The following SHISA6 variants were observed in gnomAD, a reference collection of about 807,000 sequenced individuals.
The protein encoded by SHISA6 is shisa family member 6.
Under a neutral mutation model 47.9 loss-of-function variants are expected in SHISA6, and 22 were observed. The ratio of observed to expected loss-of-function variants is 0.46; its 90% CI spans 0.33 to 0.66. SHISA6 has a LOEUF of 0.66. Among genes scored for constraint, SHISA6 ranks in the 30% least tolerant of loss-of-function variants. The pLI is 0.02. For missense variants in SHISA6, 680 were observed against 764.6 expected, an observed-to-expected ratio of 0.89 and a Z score of 1.30; for synonymous variants, 388 against 337.8, an observed-to-expected ratio of 1.15 and a Z score of -1.63.
In SHISA6 at chr17:11,322,829, A is replaced by G. The variant is rs1016313680; in HGVS notation, c.800-56585A>G. ...TCCTACAAAAGAAATGTGGAACTAC[A>G]TCCATTCTTTAAAGGCTACATTGGG... On this transcript the variant is annotated intron_variant, in intron 2 of 5. Transcript: ENST00000441885. Among the ~76,000 whole-genome samples, 3 of 152,200 alleles carry G rather than the reference A, an allele frequency of 2.0e-5. No homozygotes were observed. The East Asian group carries it at 5.8e-4, about 29-fold the overall frequency.
At chr17:11,532,419 CCCTT>C (rs2071742662) in intron 3 of SHISA6, among the ~76,000 whole-genome samples, 3 of 152,206 alleles carry the variant, frequency 2.0e-5, no homozygotes, top group Admixed American at 1.3e-4. Flanking sequence ...TTGTTTCTTT[CCCTT>C]CCTTATCTCT....
intron 2 of SHISA6, among the ~76,000 whole-genome samples, chr17:11,277,306 A>G (rs1481558259): frequency 6.7e-6 from 1 of 149,424 alleles, no homozygotes; most frequent in Non-Finnish European, 1.5e-5. Flanking sequence ...ACACACACAC[A>G]CACACACACA....
At chr17:11,299,790 G>T (rs1909860529) in intron 2 of SHISA6, among the ~76,000 whole-genome samples, 1 of 152,106 alleles carries the variant, frequency 6.6e-6, no homozygotes, top group South Asian at 2.1e-4. Flanking sequence ...AATCCAGGGT[G>T]GTCTCCTCAT....
intron 2 of SHISA6, among the ~76,000 whole-genome samples, chr17:11,368,380 C>T (rs1473321778): frequency 6.6e-6 from 1 of 152,064 alleles, no homozygotes; most frequent in African/African-American, 2.4e-5. Flanking sequence ...CAGTGAGTGC[C>T]CTAAACCATG....
At chr17:11,323,983 T>G (rs11657311) in intron 2 of SHISA6, among the ~76,000 whole-genome samples, 41,230 of 152,080 alleles carry the variant, frequency 0.27, 6,489 homozygotes, top group Non-Finnish European at 0.35. Context: ...AAATACAGAA[T>G]GAGGGCTATA....
intron 3 of SHISA6, among the ~76,000 whole-genome samples, chr17:11,541,703 T>C (rs2071835437): frequency 1.3e-5 from 2 of 152,190 alleles, no homozygotes; most frequent in African/African-American, 4.8e-5. Flanking sequence ...CTAAAATGTA[T>C]TTGGAATTTT....
intron 2 of SHISA6, among the ~76,000 whole-genome samples, chr17:11,293,603 A>T (rs1909630170): frequency 6.6e-6 from 1 of 152,096 alleles, no homozygotes; most frequent in Non-Finnish European, 1.5e-5. Flanking sequence ...GAGCACAGAA[A>T]TTCCCAAATG....
At position 11,563,668 on chromosome 17, in the gene SHISA6, T is replaced by G. The variant is rs1030564170; in HGVS notation, c.*5364T>G. The G allele has an allele frequency of 6.6e-6, 1 of 152,186 alleles. No individual in the cohort carries two copies. The highest frequency in any genetic ancestry group is 6.5e-5 in the Admixed American group (1 of 15,284). The allele number at this position is 152,186 out of a possible 1,614,324, so 9.4% of individuals were successfully genotyped here. On this transcript the variant is annotated 3_prime_UTR_variant, in exon 6 of 6. Coordinates refer to ENST00000441885, the MANE Select transcript of SHISA6 (RefSeq NM_207386.4). ...TAGTTCTATAACTCAACTAGACATT[T>G]TGTAGTAAAGAATTCTTGAAATTCT...
intron 1 of SHISA6, among the ~76,000 whole-genome samples, chr17:11,253,311 G>GTTTTTTTT (rs5819309): frequency 1.4e-5 from 2 of 144,864 alleles, no homozygotes; most frequent in African/African-American, 2.5e-5. Flanking sequence ...CCTGGGCAAA[G>GTTTTTTTT]TTTTTTTTTT....
At chr17:11,375,800 T>C (rs1912779898) in intron 2 of SHISA6, among the ~76,000 whole-genome samples, 2 of 152,168 alleles carry the variant, frequency 1.3e-5, no homozygotes. Flanking sequence ...GCGACTGAGC[T>C]AAAATAAAAT....
intron 1 of SHISA6, among the ~76,000 whole-genome samples, chr17:11,256,389 G>A (rs888923120): frequency 3.3e-5 from 5 of 152,130 alleles, no homozygotes; most frequent in Non-Finnish European, 5.9e-5. Context: ...CCAGCTACTC[G>A]GGAAGCTGAG....
intron 3 of SHISA6, among the ~76,000 whole-genome samples, chr17:11,384,663 C>T (rs545690315): frequency 1.6e-4 from 24 of 152,170 alleles, no homozygotes; most frequent in Non-Finnish European, 2.9e-4. Context: ...GTGGTGGCAG[C>T]GGCAGTGGCA....
intron 1 of SHISA6, 115 bp downstream of exon 1, chr17:11,242,175 T>C: frequency 7.4e-7 from 1 of 1,357,172 alleles, no homozygotes. Flanking sequence ...CCTCTAGTCA[T>C]TTCCACCATC....
chr17:11,463,792 TACTC>T (rs1231351442), intron 3 of SHISA6, among the ~76,000 whole-genome samples: 6 of 152,234 alleles, frequency 3.9e-5, no homozygotes, highest in Non-Finnish European at 5.9e-5. Flanking sequence ...TAGGTTATAA[TACTC>T]ACGGATCCTA....
At chr17:11,435,403 C>T (rs1354348798) in intron 3 of SHISA6, among the ~76,000 whole-genome samples, 1 of 151,946 alleles carries the variant, frequency 6.6e-6, no homozygotes, top group Non-Finnish European at 1.5e-5. Flanking sequence ...TTATATCTGT[C>T]CTCAGTATCT....
At chr17:11,392,798 A>G (rs1201844384) in intron 3 of SHISA6, among the ~76,000 whole-genome samples, 2 of 152,248 alleles carry the variant, frequency 1.3e-5, no homozygotes, top group African/African-American at 4.8e-5. Context: ...TTGTTCCCAC[A>G]GTGAAAAACC....
chr17:11,456,646 G>C (rs1481775138), intron 3 of SHISA6, among the ~76,000 whole-genome samples: 2 of 152,210 alleles, frequency 1.3e-5, no homozygotes, highest in Non-Finnish European at 2.9e-5. Flanking sequence ...AAATGACCTT[G>C]AGGCCACGCT....
intron 3 of SHISA6, among the ~76,000 whole-genome samples, chr17:11,526,384 G>A (rs1383920057): frequency 2.0e-5 from 3 of 152,162 alleles, no homozygotes; most frequent in Non-Finnish European, 4.4e-5. Flanking sequence ...TTTGACAGCA[G>A]ACCTGAGTCA....
chr17:11,255,459 C>T (rs1324132545), intron 1 of SHISA6, among the ~76,000 whole-genome samples: 2 of 152,152 alleles, frequency 1.3e-5, no homozygotes, highest in African/African-American at 2.4e-5. Context: ...TTCTGTGCCC[C>T]ATTTGACTCC....
Sources: allele counts gnomAD v4.1 joint callset (sites outside exome capture counted in the v4.1 genomes callset), GRCh38; gene constraint gnomAD v4.1.1; transcripts MANE v1.5; gene names NCBI Gene and HGNC (gene_info 2026-07-23, HGNC 2026-07-21).